Variants in NWD1 observed in about 807,000 individuals in gnomAD.
NWD1 encodes the protein NACHT and WD repeat domain containing 1, also known as NACHT domain- and WD repeat-containing protein 1.
NWD1 carries 129 observed loss-of-function variants against 135.1 expected under a neutral mutation model. That is an observed-to-expected ratio of 0.96 (90% confidence interval 0.83 to 1.11). The LOEUF (loss-of-function observed/expected upper bound fraction) is 1.11. Ranked by LOEUF, NWD1 falls within the 50% of genes least tolerant of loss-of-function variation. The pLI is 0.00. For missense variants in NWD1, 1,740 were observed against 1,851.3 expected, an observed-to-expected ratio of 0.94 and a Z score of 1.10; for synonymous variants, 773 against 786.0, an observed-to-expected ratio of 0.98 and a Z score of 0.28.
chr19:16,806,556 C>A (rs1970750168), intron 17 of NWD1, among the ~76,000 whole-genome samples: 1 of 151,992 alleles, frequency 6.6e-6, no homozygotes, highest in Non-Finnish European at 1.5e-5. Flanking sequence ...CCCATCTCTA[C>A]AAAAATTAGC....
At chr19:16,738,747 ATT>A (rs1967946909) in intron 4 of NWD1, among the ~76,000 whole-genome samples, 1 of 140,554 alleles carries the variant, frequency 7.1e-6, no homozygotes, top group Non-Finnish European at 1.5e-5. Context: ...TAATATATAT[ATT>A]ATATATATAT....
chr19:16,812,019 C>T lies in NWD1; in HGVS notation c.4288-3009C>T, dbSNP rs534220148. On this transcript the variant is annotated intron_variant, in intron 18 of 18. Coordinates refer to ENST00000524140, the MANE Select transcript of NWD1 (RefSeq NM_001007525.5). ...GAACAGAGCGAGATTCCATCAAAAA[C>T]AAAAACAAAAAACAGGCATAGTGGC... Among the ~76,000 whole-genome samples, 7 of 152,068 alleles carry T rather than the reference C, an allele frequency of 4.6e-5. No individual in the cohort carries two copies. In the South Asian group the frequency reaches 6.2e-4, roughly 14 times the overall value.
chr19:16,742,773 C>T (rs561214945), intron 4 of NWD1, among the ~76,000 whole-genome samples: 5 of 151,896 alleles, frequency 3.3e-5, no homozygotes, highest in Middle Eastern at 3.4e-3. Flanking sequence ...AGGGTTCAAG[C>T]GATTCTCTTG....
intron 18 of NWD1, 52 bp from the exon 19 acceptor site, chr19:16,814,976 G>A (rs1373415447): frequency 1.3e-6 from 2 of 1,547,248 alleles, no homozygotes; most frequent in African/African-American, 2.7e-5. Flanking sequence ...GTGTAGGATT[G>A]GACCTCTACA....
intron 7 of NWD1, among the ~76,000 whole-genome samples, chr19:16,761,026 C>T (rs561977423): frequency 6.6e-6 from 1 of 152,290 alleles, no homozygotes; most frequent in Non-Finnish European, 1.5e-5. Context: ...CCTCATTCCC[C>T]TTCCCTAACC....
intron 2 of NWD1, among the ~76,000 whole-genome samples, chr19:16,727,886 C>G (rs1967391772): frequency 6.6e-6 from 1 of 152,050 alleles, no homozygotes; most frequent in Non-Finnish European, 1.5e-5. Flanking sequence ...CATGGCGAAA[C>G]CCTGTCTCTA....
chr19:16,744,994 T>G lies in NWD1; in HGVS notation c.496+276T>G, dbSNP rs1968246801. ...TCCTGGCACAGGGGCCGTATTAGTC[T>G]GTTCTCATGCCACTAATAAAGGCAT... On this transcript the variant is annotated intron_variant, in intron 5 of 18. Coordinates refer to ENST00000524140, the MANE Select transcript of NWD1 (RefSeq NM_001007525.5). The G allele has an allele frequency of 4.8e-6, 3 of 620,202 alleles. No individual in the cohort carries two copies. The African/African-American group carries it at 5.4e-5, about 11-fold the overall frequency. 38.4% of individuals were successfully genotyped at this position (620,202 alleles called of 1,614,324 possible). A position where few individuals can be genotyped will look rare whatever the true frequency, so the allele number is the denominator to read the frequency against.
At chr19:16,738,197 A>G in intron 4 of NWD1, 1 of 453,906 alleles carries the variant, frequency 2.2e-6, no homozygotes, top group Non-Finnish European at 4.4e-6. Context: ...CTGTAAAGCC[A>G]AAAGTATTGA....
At chr19:16,786,612 T>C (rs1025236620) in intron 12 of NWD1, among the ~76,000 whole-genome samples, 9 of 151,874 alleles carry the variant, frequency 5.9e-5, no homozygotes, top group African/African-American at 2.2e-4. Flanking sequence ...AGTGGTCCAG[T>C]CTTGGCTCAC....
In NWD1 at chr19:16,749,446, G is replaced by A; in HGVS notation, c.804G>A (p.Gln268=). Residue 268 remains glutamine, a synonymous_variant, in exon 6 of 19, where the codon CAG becomes CAA. Transcript: ENST00000524140. ...HACYLKELGE[Q]FVVRANHQVL... ...GCTACCTGAAGGAGCTGGGTGAGCA[G>A]TTTGTGGTGAGGGCCAATCACCAGG... is the stretch of plus-strand genomic sequence containing the variant. 6.2e-7 allele frequency: 1 copy of A among 1,613,662 alleles called. No homozygotes were observed.
chr19:16,749,726 C>A lies in NWD1; in HGVS notation c.1084C>A (p.Leu362Met), dbSNP rs1369250196. The change falls in exon 6 of 19, where the codon CTG becomes ATG. Residue 362 changes from leucine (L) to methionine (M), a missense_variant. Physicochemically the swap from Leu to Met is conservative, Grantham distance 15. Coordinates refer to ENST00000524140, the MANE Select transcript of NWD1 (RefSeq NM_001007525.5). ...CKLAEQMPRL[L>M]GHKTVTVLRL... ...GCTGGCTGAGCAGATGCCAAGGCTG[C>A]TGGGGCACAAGACAGTGACCGTCCT... is the stretch of plus-strand genomic sequence containing the variant. 4.4e-6 allele frequency: 7 copies of A among 1,605,614 alleles called. No individual in the cohort carries two copies. The highest frequency in any genetic ancestry group is 6.0e-6 in the Non-Finnish European group (7 of 1,175,332).
chr19:16,798,952 A>C (rs1054348698), intron 16 of NWD1, among the ~76,000 whole-genome samples: 1 of 151,290 alleles, frequency 6.6e-6, no homozygotes, highest in South Asian at 2.1e-4. Flanking sequence ...AAAAAAAAAA[A>C]CATTAAAAGT....
chr19:16,761,289 G>A (rs182576363), intron 7 of NWD1, among the ~76,000 whole-genome samples: 7 of 151,542 alleles, frequency 4.6e-5, no homozygotes, highest in Non-Finnish European at 8.8e-5. Context: ...TTGTTTCCAC[G>A]TTTTTGCTGT....
In NWD1 at chr19:16,817,826, C is replaced by T. The variant is rs567006611; in HGVS notation, c.*2787C>T. ...TAGATGTTGAGACCAATTAAGATTT[C>T]ACCTACAAATTCTGATTTTAAATGC... On this transcript the variant is annotated 3_prime_UTR_variant, in exon 19 of 19. Transcript: ENST00000524140. 6.6e-6 allele frequency: 1 copy of T among 152,248 alleles called. No individual in the cohort carries two copies. Among genetic ancestry groups the T allele is most frequent in the East Asian group, 1.9e-4 (1 of 5,186 alleles). 9.4% of individuals were successfully genotyped at this position (152,248 alleles called of 1,614,324 possible). A position where few individuals can be genotyped will look rare whatever the true frequency, so the allele number is the denominator to read the frequency against.
chr19:16,764,067 T>C, intron 9 of NWD1, 122 bp downstream of exon 9: 1 of 645,242 alleles, frequency 1.5e-6, no homozygotes, highest in Non-Finnish European at 2.8e-6. Context: ...AAGGCAGAGG[T>C]TCTCACAAGG....
At position 16,800,052 on chromosome 19, in the gene NWD1, C is replaced by A. The variant is rs1417376869; in HGVS notation, c.3626C>A (p.Ala1209Glu). The A allele has an allele frequency of 6.2e-7, 1 of 1,614,208 alleles. No individual in the cohort carries two copies. The highest frequency in any genetic ancestry group is 1.7e-5 in the Admixed American group (1 of 60,024). The change falls in exon 17 of 19, where the codon GCA becomes GAA. Residue 1209 changes from alanine to glutamate, a missense_variant. Ala to Glu is a moderately radical substitution (Grantham distance 107). Coordinates refer to ENST00000524140, the MANE Select transcript of NWD1 (RefSeq NM_001007525.5). ...LSDAHRSRVP[A>E]PFLDRTGLTA... ...GATGCTCATAGGTCCCGGGTGCCTG[C>A]ACCATTTCTGGACCGCACCGGCCTC...
At chr19:16,785,473 T>C (rs1007369612) in intron 12 of NWD1, among the ~76,000 whole-genome samples, 3 of 151,016 alleles carry the variant, frequency 2.0e-5, no homozygotes, top group South Asian at 2.1e-4. Flanking sequence ...ATTGCGTCAC[T>C]GCACTCCAGC....
intron 17 of NWD1, chr19:16,801,583 G>C (rs1182005493): frequency 1.3e-5 from 2 of 152,038 alleles, no homozygotes; most frequent in Non-Finnish European, 2.9e-5. Flanking sequence ...CGGTGTAGTG[G>C]CTCACATCTG....
intron 4 of NWD1, among the ~76,000 whole-genome samples, chr19:16,739,610 C>G (rs553954420): frequency 6.6e-6 from 1 of 152,254 alleles, no homozygotes; most frequent in South Asian, 2.1e-4. Flanking sequence ...CTCTACTGCC[C>G]AAGAGCCACA....
Sources: gnomAD v4.1 joint callset for allele counts (sites outside exome capture counted in the v4.1 genomes callset) on GRCh38, gnomAD v4.1.1 for gene constraint, MANE v1.5 for transcripts, NCBI Gene and HGNC (gene_info 2026-07-23, HGNC 2026-07-21) for gene names.